PSD3: variants seen among roughly 807,000 people sequenced by gnomAD.
The protein encoded by PSD3 is pleckstrin and Sec7 domain containing 3, also known as PH and SEC7 domain-containing protein 3.
In PSD3, 49 loss-of-function variants were observed where a neutral mutation model predicts 105.5. That is an observed-to-expected ratio of 0.46 (90% CI 0.37 to 0.59). PSD3 has a LOEUF of 0.59. PSD3 is among the 20% of genes least tolerant of loss of function. PSD3 has a pLI of 0.00. For synonymous variants in PSD3, 557 were observed against 457.8 expected, an observed-to-expected ratio of 1.22 and a Z score of -2.77; for missense variants, 1,561 against 1,263.8, an observed-to-expected ratio of 1.24 and a Z score of -3.57.
rs145453746 is a variant in PSD3 at position 18,822,122 on chromosome 8, T to C, written c.1635-17224A>G. Among the ~76,000 whole-genome samples, 733 of 152,342 alleles carry C rather than the reference T, an allele frequency of 4.8e-3. 7 individuals are homozygous for C. The highest frequency in any genetic ancestry group is 0.017 in the African/African-American group (709 of 41,566). On this transcript the variant is annotated intron_variant, in intron 4 of 15. Coordinates refer to ENST00000327040, the MANE Select transcript of PSD3 (RefSeq NM_015310.4). ...TTACTTCCTATTTACTTTCTATCTT[T>C]TCTACATGCAACACACTCTTTGTGA...
At chr8:18,971,228 T>C (rs375165664) in intron 1 of PSD3, among the ~76,000 whole-genome samples, 1 of 152,084 alleles carries the variant, frequency 6.6e-6, no homozygotes, top group African/African-American at 2.4e-5. Flanking sequence ...CTGGCAAGGT[T>C]TGGGGAAGCT....
chr8:18,651,350 G>C (rs1808464064), intron 10 of PSD3, among the ~76,000 whole-genome samples: 1 of 152,182 alleles, frequency 6.6e-6, no homozygotes, highest in African/African-American at 2.4e-5. Flanking sequence ...TTCCTCTAAG[G>C]TTCTAACATC....
intron 9 of PSD3, among the ~76,000 whole-genome samples, chr8:18,763,228 CT>C (rs1165647929): frequency 6.6e-6 from 1 of 152,026 alleles, no homozygotes; most frequent in South Asian, 2.1e-4. Context: ...TAACTTTAAG[CT>C]TTTTTAATAT....
At chr8:19,032,884 A>G (rs1201574384) in intron 1 of PSD3, among the ~76,000 whole-genome samples, 3 of 152,184 alleles carry the variant, frequency 2.0e-5, no homozygotes, top group Non-Finnish European at 4.4e-5. Context: ...AAGTATTAAG[A>G]AGGCTAGTTT....
At position 18,530,651 on chromosome 8, in the gene PSD3, TTAA is replaced by T. The variant is rs1415024549; in HGVS notation, c.*5089_*5091del. The T allele has an allele frequency of 6.6e-6, 1 of 152,400 alleles. No individual in the cohort carries two copies. Among genetic ancestry groups the T allele is most frequent in the Admixed American group, 6.6e-5 (1 of 15,264 alleles). The allele number at this position is 152,400 out of a possible 1,614,324, so 9.4% of individuals were successfully genotyped here. A position where few individuals can be genotyped will look rare whatever the true frequency, so the allele number is the denominator to read the frequency against. ...ATTGTCAGTTTGACTTTAAGTGCTC[TTAA>T]TACTAAAGTTACTAAGACTGCACAG... is the stretch of plus-strand genomic sequence containing the variant. On this transcript the variant is annotated 3_prime_UTR_variant, in exon 16 of 16. Coordinates refer to ENST00000327040, the MANE Select transcript of PSD3 (RefSeq NM_015310.4).
intron 4 of PSD3, chr8:18,808,809 G>C (rs1811428624): frequency 6.2e-7 from 1 of 1,613,766 alleles, no homozygotes; most frequent in Non-Finnish European, 8.5e-7. Context: ...GGTGCGCCTG[G>C]ACCATCCTTC....
intron 9 of PSD3, among the ~76,000 whole-genome samples, chr8:18,764,590 C>T (rs997819353): frequency 1.3e-5 from 2 of 152,114 alleles, no homozygotes; most frequent in African/African-American, 2.4e-5. Flanking sequence ...TTCTATGTAG[C>T]TTAAAGGTTA....
At chr8:19,061,175 G>A (rs751415304) in intron 1 of PSD3, among the ~76,000 whole-genome samples, 45 of 151,988 alleles carry the variant, frequency 3.0e-4, no homozygotes, top group Non-Finnish European at 4.9e-4. Flanking sequence ...ATATAAAATC[G>A]TAGTTGACTC....
chr8:19,084,110 A>T, intron 1 of PSD3: 1 of 370,498 alleles, frequency 2.7e-6, no homozygotes, highest in Non-Finnish European at 5.4e-6. Context: ...ATCTAAGCAG[A>T]GGAGAGAACC....
At chr8:18,771,297 C>G (rs1451695416) in intron 8 of PSD3, among the ~76,000 whole-genome samples, 3 of 152,228 alleles carry the variant, frequency 2.0e-5, no homozygotes, top group African/African-American at 7.2e-5. Flanking sequence ...GGGGACCCAT[C>G]CTCTTCTGCC....
intron 4 of PSD3, among the ~76,000 whole-genome samples, chr8:18,863,887 C>A (rs1458189367): frequency 6.6e-6 from 1 of 152,068 alleles, no homozygotes; most frequent in Admixed American, 6.6e-5. Flanking sequence ...GATGGCTGAG[C>A]CCAAGACTGG....
intron 9 of PSD3, among the ~76,000 whole-genome samples, chr8:18,727,268 C>T (rs1585745054): frequency 7.5e-6 from 1 of 133,424 alleles, no homozygotes; most frequent in African/African-American, 2.9e-5. Context: ...ACCTGGGAGG[C>T]GGAGGTTGCA....
In PSD3 at chr8:18,804,896, T is replaced by C; in HGVS notation, c.1637A>G (p.Asn546Ser). 2 of 1,590,162 alleles carry C rather than the reference T, an allele frequency of 1.3e-6. No homozygotes were observed. The highest frequency in any genetic ancestry group is 2.2e-5 in the East Asian group (1 of 44,784). Residue 546 changes from asparagine (N) to serine (S), a missense_variant and splice_region_variant, in exon 5 of 16, where the codon AAT (asparagine) becomes AGT (serine). Physicochemically the swap from Asn to Ser is conservative, Grantham distance 46. Coordinates refer to ENST00000327040, the MANE Select transcript of PSD3 (RefSeq NM_015310.4). Reference protein sequence around the residue: ...GTPEIAFWGSNAGVKTTRLEA... With the variant: ...GTPEIAFWGSSAGVKTTRLEA... ...TAGCCGTGTTGTTTTCACCCCAGCA[T>C]TGCTATGATAATTGATAAAGAGAGA...
chr8:18,767,699 A>T (rs551493601), intron 8 of PSD3, among the ~76,000 whole-genome samples: 1 of 152,230 alleles, frequency 6.6e-6, no homozygotes, highest in South Asian at 2.1e-4. Context: ...GTGAGCAGAG[A>T]TCGTGCCACT....
At chr8:18,836,883 C>T (rs905999544) in intron 4 of PSD3, among the ~76,000 whole-genome samples, 4 of 147,384 alleles carry the variant, frequency 2.7e-5, no homozygotes, top group Non-Finnish European at 6.0e-5. Context: ...TGGTTTAATG[C>T]GATGTGGAAC....
chr8:19,056,058 G>A (rs1438045528), intron 1 of PSD3, among the ~76,000 whole-genome samples: 1 of 152,144 alleles, frequency 6.6e-6, no homozygotes, highest in African/African-American at 2.4e-5. Context: ...CTTCTCCTTA[G>A]TGTTAAATAC....
chr8:19,047,733 A>G lies in PSD3; in HGVS notation c.324+36473T>C, dbSNP rs75466533. Among the ~76,000 whole-genome samples, 329 of 152,242 alleles carry G rather than the reference A, an allele frequency of 2.2e-3. 2 individuals carry two copies. The highest frequency in any genetic ancestry group is 4.2e-3 in the Non-Finnish European group (286 of 68,004). ...TGTGTTGAATGATGTCAATGAACAA[A>G]GCAGACACCTATCCCTCTCCTCCCT... is the stretch of plus-strand genomic sequence containing the variant. On this transcript the variant is annotated intron_variant, in intron 1 of 1. Transcript: ENST00000521475.
chr8:18,773,591 C>CATG (rs1807754650), intron 8 of PSD3, among the ~76,000 whole-genome samples: 1 of 152,040 alleles, frequency 6.6e-6, no homozygotes, highest in Admixed American at 6.5e-5. Context: ...AAAATTAAGT[C>CATG]TTCCAGTCCA....
intron 9 of PSD3, among the ~76,000 whole-genome samples, chr8:18,716,682 G>A (rs1264042879): frequency 6.6e-6 from 1 of 152,130 alleles, no homozygotes; most frequent in Non-Finnish European, 1.5e-5. Context: ...TTAAGCAGAG[G>A]AATAACATGT....
Sources: allele counts gnomAD v4.1 joint callset (sites outside exome capture counted in the v4.1 genomes callset), GRCh38; gene constraint gnomAD v4.1.1; transcripts MANE v1.5; gene names NCBI Gene and HGNC (gene_info 2026-07-23, HGNC 2026-07-21).